Variants in SGCZ observed in about 807,000 individuals in gnomAD.
SGCZ encodes sarcoglycan zeta.
Under a neutral mutation model 41.3 loss-of-function variants are expected in SGCZ, and 40 were observed. That is an observed-to-expected ratio of 0.97 (90% CI 0.75 to 1.26). The LOEUF (loss-of-function observed/expected upper bound fraction) is 1.26, where lower values mean the gene tolerates loss of function less well. SGCZ is among the 50% of genes most tolerant of loss of function. The pLI, the probability that SGCZ is intolerant of heterozygous loss-of-function variation, is 0.00. For missense variants in SGCZ, 552 were observed against 369.8 expected (o/e 1.49, Z -4.04); for synonymous variants, 206 against 137.5 (o/e 1.50, Z -3.49).
chr8:14,734,162 G>A (rs1429298141), intron 1 of SGCZ, among the ~76,000 whole-genome samples: 16 of 152,164 alleles, frequency 1.1e-4, no homozygotes, highest in Admixed American at 1.0e-3. Context: ...AACTAGAACA[G>A]CAAATGATGA....
chr8:14,743,429 A>G (rs932739119), intron 1 of SGCZ, among the ~76,000 whole-genome samples: 1 of 152,114 alleles, frequency 6.6e-6, no homozygotes, highest in African/African-American at 2.4e-5. Flanking sequence ...ATATGAAATA[A>G]CTTTTCATAT....
At chr8:15,006,962 G>T (rs1002475548) in intron 1 of SGCZ, among the ~76,000 whole-genome samples, 4 of 152,116 alleles carry the variant, frequency 2.6e-5, no homozygotes, top group African/African-American at 9.7e-5. Flanking sequence ...TTTGAAGAAA[G>T]AAATTATTAT....
At chr8:14,246,539 A>ATAC (rs986364633) in intron 3 of SGCZ, among the ~76,000 whole-genome samples, 1 of 151,962 alleles carries the variant, frequency 6.6e-6, no homozygotes, top group Non-Finnish European at 1.5e-5. Flanking sequence ...TGGCACATGT[A>ATAC]TACATATGTA....
intron 1 of SGCZ, among the ~76,000 whole-genome samples, chr8:14,906,399 A>C (rs1027687393): frequency 6.6e-6 from 1 of 152,168 alleles, no homozygotes; most frequent in Non-Finnish European, 1.5e-5. Context: ...CCAGGAAGAC[A>C]CCAGGTATAT....
chr8:15,207,522 G>A (rs530523520), intron 1 of SGCZ, among the ~76,000 whole-genome samples: 3 of 152,286 alleles, frequency 2.0e-5, no homozygotes, highest in East Asian at 3.9e-4. Context: ...GCAGAGAAGT[G>A]GAGCAGACTG....
intron 1 of SGCZ, among the ~76,000 whole-genome samples, chr8:14,815,908 A>G (rs759535407): frequency 6.6e-6 from 1 of 152,220 alleles, no homozygotes; most frequent in Non-Finnish European, 1.5e-5. Context: ...AATGCTGTCT[A>G]CCTAATTTAT....
chr8:14,582,236 G>C (rs1446977926), intron 1 of SGCZ, among the ~76,000 whole-genome samples: 8 of 152,132 alleles, frequency 5.3e-5, no homozygotes, highest in Non-Finnish European at 7.4e-5. Context: ...CTTACTGATA[G>C]TATCAACAGT....
chr8:14,594,181 T>A (rs1273274203), intron 1 of SGCZ, among the ~76,000 whole-genome samples: 3 of 4,148 alleles, frequency 7.2e-4, no homozygotes, highest in East Asian at 4.6e-3. Context: ...TCTCAAAAAA[T>A]AAATAAATAA....
chr8:14,134,040 C>T (rs187279598), intron 5 of SGCZ, among the ~76,000 whole-genome samples: 22 of 152,090 alleles, frequency 1.4e-4, no homozygotes, highest in African/African-American at 5.3e-4. Flanking sequence ...TGATAGAATC[C>T]AATACATTAT....
chr8:14,735,737 G>C (rs1273858238), intron 1 of SGCZ, among the ~76,000 whole-genome samples: 5 of 152,068 alleles, frequency 3.3e-5, no homozygotes, highest in Admixed American at 3.3e-4. Flanking sequence ...TCCCTCTGGA[G>C]AATCCTGACT....
chr8:14,690,597 A>G (rs547184976), intron 1 of SGCZ: 4 of 152,184 alleles, frequency 2.6e-5, no homozygotes, highest in Admixed American at 2.6e-4. Context: ...GAAGCATTCA[A>G]GAAAAACTAG....
intron 1 of SGCZ, among the ~76,000 whole-genome samples, chr8:15,192,079 G>T (rs375349892): frequency 6.6e-6 from 1 of 152,072 alleles, no homozygotes; most frequent in East Asian, 1.9e-4. Context: ...TATATTCCCA[G>T]TGTTTTTACT....
intron 5 of SGCZ, among the ~76,000 whole-genome samples, chr8:14,134,839 A>G (rs1441828813): frequency 6.8e-6 from 1 of 147,314 alleles, no homozygotes; most frequent in African/African-American, 2.4e-5. Context: ...CTGGCTTGTG[A>G]GCTCAGAATG....
intron 3 of SGCZ, chr8:14,309,254 A>G: frequency 1.3e-6 from 2 of 1,530,480 alleles, no homozygotes; most frequent in South Asian, 1.1e-5. Flanking sequence ...GTACAACCAT[A>G]TCCAGTTGTC....
intron 1 of SGCZ, among the ~76,000 whole-genome samples, chr8:14,872,680 T>A (rs1442341057): frequency 6.6e-6 from 1 of 152,144 alleles, no homozygotes; most frequent in Non-Finnish European, 1.5e-5. Flanking sequence ...CTGCTGGGTT[T>A]GTATCATCAA....
At chr8:14,676,390 A>G (rs1023179594) in intron 1 of SGCZ, among the ~76,000 whole-genome samples, 5 of 141,040 alleles carry the variant, frequency 3.5e-5, no homozygotes, top group South Asian at 2.2e-4. Flanking sequence ...CTGATGGCAT[A>G]TGCCTGTAGT....
At chr8:15,165,084 G>A (rs1464137826) in intron 1 of SGCZ, among the ~76,000 whole-genome samples, 5 of 152,168 alleles carry the variant, frequency 3.3e-5, no homozygotes, top group Non-Finnish European at 7.3e-5. Flanking sequence ...GAGGTCAGGA[G>A]TTCAAGACCA....
intron 1 of SGCZ, among the ~76,000 whole-genome samples, chr8:14,704,760 C>T (rs1194344064): frequency 2.6e-5 from 4 of 151,878 alleles, no homozygotes; most frequent in Non-Finnish European, 4.4e-5. Flanking sequence ...TAAGATGCTA[C>T]TCCCTTCCTT....
At chr8:14,417,322 C>T (rs1265581673) in intron 2 of SGCZ, among the ~76,000 whole-genome samples, 1 of 151,820 alleles carries the variant, frequency 6.6e-6, no homozygotes, top group Non-Finnish European at 1.5e-5. Context: ...ACATTCATTT[C>T]TTTATATAAA....
Sources: allele counts gnomAD v4.1 joint callset (sites outside exome capture counted in the v4.1 genomes callset), GRCh38; gene constraint gnomAD v4.1.1; transcripts MANE v1.5; gene names NCBI Gene and HGNC (gene_info 2026-07-23, HGNC 2026-07-21).